Variants in KANK1 observed in about 807,000 individuals in gnomAD.
KANK1 encodes the protein KN motif and ankyrin repeat domains 1.
KANK1 carries 109 observed loss-of-function variants against 106.2 expected under a neutral mutation model. That is an observed-to-expected ratio of 1.03 (90% CI 0.88 to 1.20). The LOEUF is 1.20. KANK1 is among the 50% of genes most tolerant of loss of function. The pLI is 0.00. For synonymous variants in KANK1, 873 were observed against 652.2 expected, an observed-to-expected ratio of 1.34 and a Z score of -5.16; for missense variants, 2,399 against 1,710.7, an observed-to-expected ratio of 1.40 and a Z score of -7.10.
chr9:630,109 G>T (rs1184953748), intron 1 of KANK1, among the ~76,000 whole-genome samples: 1 of 152,128 alleles, frequency 6.6e-6, no homozygotes, highest in Non-Finnish European at 1.5e-5. Flanking sequence ...ATTAGCAGAC[G>T]TGGTGGCATG....
intron 1 of KANK1, among the ~76,000 whole-genome samples, chr9:550,453 C>G (rs187608294): frequency 2.6e-4 from 39 of 152,234 alleles, no homozygotes; most frequent in African/African-American, 8.7e-4. Flanking sequence ...GGTATCTTAT[C>G]AAAACACCAC....
chr9:631,012 G>A (rs1185693792), intron 1 of KANK1, among the ~76,000 whole-genome samples: 5 of 152,106 alleles, frequency 3.3e-5, no homozygotes, highest in African/African-American at 1.2e-4. Context: ...ATTGTTTAAG[G>A]AAAAGGCCAA....
intron 1 of KANK1, among the ~76,000 whole-genome samples, chr9:644,850 G>A (rs1839293461): frequency 6.6e-6 from 1 of 151,222 alleles, no homozygotes; most frequent in South Asian, 2.1e-4. Context: ...AGCAGGTGTG[G>A]TGGCTCACGC....
chr9:648,033 G>T (rs1233073118), intron 1 of KANK1, among the ~76,000 whole-genome samples: 2 of 126,192 alleles, frequency 1.6e-5, no homozygotes, highest in Non-Finnish European at 3.1e-5. Flanking sequence ...ACAGAGTCTT[G>T]CTCTGTCGCC....
At chr9:474,995 A>G (rs971984701) in intron 3 of KANK1, among the ~76,000 whole-genome samples, 18 of 152,148 alleles carry the variant, frequency 1.2e-4, no homozygotes, top group African/African-American at 4.3e-4. Flanking sequence ...TCAGGTGACC[A>G]TCAGGTGATG....
intron 1 of KANK1, among the ~76,000 whole-genome samples, chr9:592,162 C>G (rs1036754143): frequency 1.3e-5 from 2 of 151,506 alleles, no homozygotes; most frequent in Non-Finnish European, 2.9e-5. Flanking sequence ...GCAAAAGCTT[C>G]AAAAAAGGGT....
At chr9:706,783 G>A in intron 2 of KANK1, 1 of 985,470 alleles carries the variant, frequency 1.0e-6, no homozygotes. Flanking sequence ...CGGATCCTGA[G>A]AACCCGCAGA....
intron 2 of KANK1, among the ~76,000 whole-genome samples, chr9:688,197 C>T (rs1161495530): frequency 6.6e-6 from 1 of 152,202 alleles, no homozygotes; most frequent in Non-Finnish European, 1.5e-5. Context: ...GGGTGTGTTT[C>T]CTGGGTGAAC....
chr9:470,989 A>C (rs2058009096), intron 2 of KANK1: 1 of 152,164 alleles, frequency 6.6e-6, no homozygotes, highest in South Asian at 2.1e-4. Context: ...AGTTAATGTG[A>C]ATCTTGTCAT....
chr9:566,806 G>C (rs1195493833), intron 1 of KANK1, among the ~76,000 whole-genome samples: 1 of 152,066 alleles, frequency 6.6e-6, no homozygotes, highest in Admixed American at 6.5e-5. Context: ...TAGGTTGTCT[G>C]TTTACTTTGT....
chr9:744,126 A>ATCTT (rs889798967), intron 10 of KANK1, among the ~76,000 whole-genome samples: 5 of 152,178 alleles, frequency 3.3e-5, no homozygotes, highest in African/African-American at 1.2e-4. Context: ...AAGGTAAAAG[A>ATCTT]TCTTTGGCAA....
chr9:585,805 T>G (rs560649426), intron 1 of KANK1, among the ~76,000 whole-genome samples: 4 of 152,272 alleles, frequency 2.6e-5, no homozygotes, highest in South Asian at 4.1e-4. Flanking sequence ...GTGTAAGTGT[T>G]TGTTCTTGGG....
intron 1 of KANK1, among the ~76,000 whole-genome samples, chr9:622,325 A>G (rs1351576594): frequency 1.3e-5 from 2 of 152,156 alleles, no homozygotes; most frequent in Admixed American, 1.3e-4. Context: ...AGGTGTGGTG[A>G]AAGACTGCTA....
At chr9:632,309 A>G (rs1588423989) in intron 1 of KANK1, among the ~76,000 whole-genome samples, 1 of 152,312 alleles carries the variant, frequency 6.6e-6, no homozygotes, top group South Asian at 2.1e-4. Context: ...TACAGCATGT[A>G]ATTATTTGTC....
intron 2 of KANK1, among the ~76,000 whole-genome samples, chr9:693,064 TACTA>T (rs1188493925): frequency 2.0e-5 from 3 of 152,172 alleles, no homozygotes; most frequent in African/African-American, 7.2e-5. Flanking sequence ...ATACCATTCT[TACTA>T]ACTTTTTGAA....
chr9:634,826 T>C (rs1836684225), intron 1 of KANK1, among the ~76,000 whole-genome samples: 1 of 152,214 alleles, frequency 6.6e-6, no homozygotes, highest in African/African-American at 2.4e-5. Flanking sequence ...TCAGATTTAG[T>C]GGCCCACTGA....
At chr9:655,715 A>G (rs1379716234) in intron 1 of KANK1, among the ~76,000 whole-genome samples, 6 of 152,372 alleles carry the variant, frequency 3.9e-5, no homozygotes, top group Admixed American at 3.9e-4. Flanking sequence ...TTTACGTAGT[A>G]TAGAACAAAT....
intron 3 of KANK1, among the ~76,000 whole-genome samples, chr9:489,668 A>G (rs994551425): frequency 1.3e-5 from 2 of 152,192 alleles, no homozygotes; most frequent in African/African-American, 4.8e-5. Flanking sequence ...GAGTTGGTGA[A>G]AGTATTAGAG....
chr9:558,573 G>A (rs569892289), intron 1 of KANK1, among the ~76,000 whole-genome samples: 12 of 152,104 alleles, frequency 7.9e-5, no homozygotes, highest in African/African-American at 2.9e-4. Context: ...TAGCCAATGC[G>A]TCTCTTCTTC....
Sources: gnomAD v4.1 joint callset for allele counts (sites outside exome capture counted in the v4.1 genomes callset) on GRCh38, gnomAD v4.1.1 for gene constraint, MANE v1.5 for transcripts, NCBI Gene and HGNC (gene_info 2026-07-23, HGNC 2026-07-21) for gene names.